The following TCERG1L variants were observed in gnomAD, a reference collection of about 807,000 sequenced individuals.
TCERG1L encodes transcription elongation regulator 1 like, also known as transcription elongation regulator 1-like protein.
TCERG1L carries 37 observed loss-of-function variants against 56.3 expected under a neutral mutation model. The ratio of observed to expected loss-of-function variants is 0.66; its 90% CI spans 0.51 to 0.87. TCERG1L has a LOEUF of 0.87. TCERG1L is among the 40% of genes least tolerant of loss of function. TCERG1L has a pLI of 0.00. For missense variants in TCERG1L, 799 were observed against 774.2 expected (o/e 1.03, Z -0.38); for synonymous variants, 324 against 326.3 (o/e 0.99, Z 0.08).
chr10:131,260,506 C>T lies in TCERG1L; in HGVS notation c.671-62G>A. ...GACCAGGGCCATGGGTGACAGATGC[C>T]CATCTCGCTACCGCAAGATATCAGC... is the stretch of plus-strand genomic sequence containing the variant. On this transcript the variant is annotated intron_variant, in intron 3 of 11. Coordinates refer to ENST00000368642, the MANE Select transcript of TCERG1L (RefSeq NM_174937.4). This position sits in a 1 kb window ranked among gnomAD's most constrained non-coding sequence, Gnocchi z 5.8. 1 of 1,324,130 alleles carries T rather than the reference C, an allele frequency of 7.6e-7. No individual in the cohort carries two copies. The highest frequency in any genetic ancestry group is 9.7e-7 in the Non-Finnish European group (1 of 1,033,698). 82.0% of individuals were successfully genotyped at this position (1,324,130 alleles called of 1,614,324 possible). A position where few individuals can be genotyped will look rare whatever the true frequency, so the allele number is the denominator to read the frequency against.
chr10:131,093,431 C>A, intron 11 of TCERG1L, 113 bp from the exon 12 acceptor site: 1 of 1,333,754 alleles, frequency 7.5e-7, no homozygotes, highest in South Asian at 1.4e-5. Flanking sequence ...CAGGCCTGGC[C>A]GTGGGTGGCA....
At chr10:131,271,122 C>A (rs1170113013) in intron 3 of TCERG1L, among the ~76,000 whole-genome samples, 2 of 152,202 alleles carry the variant, frequency 1.3e-5, no homozygotes, top group Non-Finnish European at 2.9e-5. Flanking sequence ...CAGAGGCAGA[C>A]CAGCTGTTGA....
At chr10:131,166,702 C>T (rs1846033264) in intron 5 of TCERG1L, 95 bp downstream of exon 5, 2 of 1,255,944 alleles carry the variant, frequency 1.6e-6, no homozygotes, top group African/African-American at 3.0e-5. Flanking sequence ...ATTTCACAAA[C>T]ACCATACAGC....
chr10:131,148,067 G>A (rs1315273183), intron 6 of TCERG1L, among the ~76,000 whole-genome samples: 1 of 152,242 alleles, frequency 6.6e-6, no homozygotes. Context: ...CCACGCTCAT[G>A]AGTGTGGGAG....
intron 3 of TCERG1L, among the ~76,000 whole-genome samples, chr10:131,268,973 T>C (rs1037783341): frequency 6.6e-6 from 1 of 152,244 alleles, no homozygotes; most frequent in Non-Finnish European, 1.5e-5. Flanking sequence ...GTAGCACTTT[T>C]GATTTCCTTC....
In TCERG1L at chr10:131,093,068, G is replaced by GGCC. The variant is rs1845197329; in HGVS notation, c.*91_*93dup. 19 of 1,428,880 alleles carry GGCC rather than the reference G, an allele frequency of 1.3e-5. No individual in the cohort carries two copies. Among genetic ancestry groups the GGCC allele is most frequent in the Non-Finnish European group, 1.7e-5 (18 of 1,056,180 alleles). The allele number at this position is 1,428,880 out of a possible 1,614,324, so 88.5% of individuals were successfully genotyped here. A position where few individuals can be genotyped will look rare whatever the true frequency, so the allele number is the denominator to read the frequency against. ...GTGCCCGCTGGGCCGTGCAGGTCTC[G>GGCC]GCCGCCCCACGCCCGTGTCCGTCTC... On this transcript the variant is annotated 3_prime_UTR_variant, in exon 12 of 12. Transcript: ENST00000368642.
At chr10:131,234,247 C>T (rs1845888251) in intron 4 of TCERG1L, among the ~76,000 whole-genome samples, 1 of 152,210 alleles carries the variant, frequency 6.6e-6, no homozygotes, top group South Asian at 2.1e-4. Context: ...TCAACCCCAA[C>T]CCATCGCATC....
At chr10:131,203,177 A>T (rs542663585) in intron 4 of TCERG1L, among the ~76,000 whole-genome samples, 1 of 152,208 alleles carries the variant, frequency 6.6e-6, no homozygotes, top group Admixed American at 6.5e-5. Context: ...GTTCATGGAT[A>T]TGCGTATACC....
In TCERG1L at chr10:131,253,005, G is replaced by A. The variant is rs560873246; in HGVS notation, c.856+7254C>T. 1.1e-4 allele frequency among the ~76,000 whole-genome samples: 17 copies of A among 152,296 alleles called. No homozygotes were observed. In the East Asian group the frequency reaches 2.5e-3, roughly 22 times the overall value. ...ACCCCCGGGGATGGCAGCACGTACC[G>A]CCATGTGCCTGATTGAGGCCGTAGC... On this transcript the variant is annotated intron_variant, in intron 4 of 11. Transcript: ENST00000368642.
At chr10:131,202,356 C>T (rs924608055) in intron 4 of TCERG1L, among the ~76,000 whole-genome samples, 3 of 152,256 alleles carry the variant, frequency 2.0e-5, no homozygotes, top group Middle Eastern at 3.4e-3. Flanking sequence ...CCGAGGAGGG[C>T]GGATCACCTG....
intron 8 of TCERG1L, among the ~76,000 whole-genome samples, chr10:131,117,161 C>A (rs906191475): frequency 4.6e-5 from 7 of 152,092 alleles, no homozygotes; most frequent in African/African-American, 1.7e-4. Flanking sequence ...AAGCCCCAGC[C>A]CCGGGCCCGG....
intron 4 of TCERG1L, among the ~76,000 whole-genome samples, chr10:131,239,758 C>T (rs1190080319): frequency 6.6e-6 from 1 of 152,234 alleles, no homozygotes; most frequent in South Asian, 2.1e-4. Flanking sequence ...CTCAGGCTCC[C>T]GCATAAAGGG....
In TCERG1L at chr10:131,093,203, G is replaced by C; in HGVS notation, c.1720C>G (p.Arg574Gly). The C allele has an allele frequency of 6.2e-7, 1 of 1,613,766 alleles. No homozygotes were observed. The highest frequency in any genetic ancestry group is 8.5e-7 in the Non-Finnish European group (1 of 1,179,802). The part of the protein sequence containing the change: ...FNQFILILKK[R>G]DKENRLRLRK... ...AGCCTTAGTCTGTTTTCCTTGTCCC[G>C]TTTCTTAAGAATAAGTATGAATTGG... Residue 574 changes from arginine to glycine, a missense_variant, in exon 12 of 12, where the codon CGG (arginine) becomes GGG (glycine). Coordinates refer to ENST00000368642, the MANE Select transcript of TCERG1L (RefSeq NM_174937.4).
chr10:131,218,486 T>C (rs1845696731), intron 4 of TCERG1L, among the ~76,000 whole-genome samples: 1 of 142,328 alleles, frequency 7.0e-6, no homozygotes, highest in East Asian at 2.2e-4. Flanking sequence ...CGATCCTTTT[T>C]TTCTATTTAT....
intron 3 of TCERG1L, among the ~76,000 whole-genome samples, chr10:131,261,686 C>T (rs1846238408): frequency 6.6e-6 from 1 of 152,220 alleles, no homozygotes; most frequent in Non-Finnish European, 1.5e-5. Context: ...CTCTTTGGGA[C>T]AGAGCAGTGA....
At chr10:131,176,842 G>GTA (rs1458015741) in intron 4 of TCERG1L, among the ~76,000 whole-genome samples, 4 of 17,226 alleles carry the variant, frequency 2.3e-4, no homozygotes, top group African/African-American at 8.9e-4. Flanking sequence ...GTACACACAG[G>GTA]CACATAGGAA....
At chr10:131,221,682 G>A (rs1030058295) in intron 4 of TCERG1L, among the ~76,000 whole-genome samples, 8 of 152,168 alleles carry the variant, frequency 5.3e-5, no homozygotes, top group Non-Finnish European at 8.8e-5. Flanking sequence ...TTTTGTCACC[G>A]GTTTTTGCAG....
intron 3 of TCERG1L, among the ~76,000 whole-genome samples, chr10:131,282,276 T>C (rs1053640647): frequency 6.6e-6 from 1 of 152,204 alleles, no homozygotes; most frequent in East Asian, 1.9e-4. Context: ...CTCAGAATTA[T>C]ATTGAAGTCA....
intron 6 of TCERG1L, among the ~76,000 whole-genome samples, chr10:131,150,484 A>G (rs1162877882): frequency 1.3e-5 from 2 of 152,224 alleles, no homozygotes; most frequent in African/African-American, 2.4e-5. Flanking sequence ...GAGTGGCCCC[A>G]TCCAATCCCA....
Sources: gnomAD v4.1 joint callset for allele counts (sites outside exome capture counted in the v4.1 genomes callset) on GRCh38, gnomAD v4.1.1 for gene constraint, Gnocchi (gnomAD v3.1) non-coding constraint, MANE v1.5 for transcripts, NCBI Gene and HGNC (gene_info 2026-07-23, HGNC 2026-07-21) for gene names.